CLDND1: variants seen among roughly 807,000 people sequenced by gnomAD.
CLDND1 encodes claudin domain-containing protein 1.
Under a neutral mutation model 26.3 loss-of-function variants are expected in CLDND1, and 13 were observed. The observed-to-expected ratio is 0.49, with a 90% CI of 0.32 to 0.78. CLDND1 has a LOEUF of 0.78. CLDND1 is among the 30% of genes least tolerant of loss of function. The probability of loss-of-function intolerance (pLI) is 0.03; values close to 1 mark genes in which losing one functional copy is unlikely to be tolerated. For synonymous variants in CLDND1, 107 were observed against 107.0 expected, an observed-to-expected ratio of 1.00 and a Z score of 0.00; for missense variants, 289 against 312.8, an observed-to-expected ratio of 0.92 and a Z score of 0.57.
intron 1 of CLDND1, 24 bp from the exon 2 acceptor site, chr3:98,521,466 G>A (rs1455899616): frequency 1.9e-6 from 3 of 1,595,634 alleles, no homozygotes; most frequent in South Asian, 2.2e-5. Context: ...GAAGAAAGAA[G>A]ATAAGTTAGA....
intron 1 of CLDND1, 188 bp downstream of exon 1, chr3:98,522,661 C>G: frequency 7.0e-7 from 1 of 1,423,146 alleles, no homozygotes; most frequent in Non-Finnish European, 9.1e-7. Context: ...CAGCCGTGCT[C>G]GGCCCCGGGC....
chr3:98,518,539 G>A (rs952071226), intron 3 of CLDND1, among the ~76,000 whole-genome samples: 12 of 152,072 alleles, frequency 7.9e-5, no homozygotes, highest in African/African-American at 2.7e-4. Context: ...ATACTTACCT[G>A]AACTCAAGCA....
At position 98,515,492 on chromosome 3, in the gene CLDND1, A is replaced by C. The variant is rs987545436; in HGVS notation, c.*1167T>G. The C allele has an allele frequency of 8.1e-6, 6 of 741,216 alleles. No homozygotes were observed. The highest frequency in any genetic ancestry group is 1.0e-5 in the Non-Finnish European group (6 of 572,114). 45.9% of individuals were successfully genotyped at this position (741,216 alleles called of 1,614,324 possible). The stretch of plus-strand genomic sequence containing the variant: ...TCTATATACAATTGAGTCTCTTTTC[A>C]TTTTTAATTTTATTTTTTAAAAAAG... On this transcript the variant is annotated 3_prime_UTR_variant, in exon 5 of 5. Coordinates refer to ENST00000341181, the MANE Select transcript of CLDND1 (RefSeq NM_001040181.2).
chr3:98,521,819 A>G (rs1345089743), intron 1 of CLDND1: 13 of 837,464 alleles, frequency 1.6e-5, no homozygotes, highest in Non-Finnish European at 2.4e-5. Flanking sequence ...TTTTTGCACG[A>G]GCTGCAGAGG....
intron 2 of CLDND1, among the ~76,000 whole-genome samples, chr3:98,520,068 T>C (rs1367331192): frequency 1.3e-5 from 2 of 152,236 alleles, no homozygotes; most frequent in Admixed American, 6.5e-5. Context: ...TACTGTTATA[T>C]TCTGTTCACT....
intron 2 of CLDND1, among the ~76,000 whole-genome samples, chr3:98,520,263 A>G (rs1706350943): frequency 6.6e-6 from 1 of 152,250 alleles, no homozygotes; most frequent in Non-Finnish European, 1.5e-5. Context: ...CTGTAACCTC[A>G]TAAGTCAAAC....
Position 98,516,135 on chromosome 3 carries a change from C to G in CLDND1, c.*524G>C. On this transcript the variant is annotated 3_prime_UTR_variant, in exon 5 of 5. Transcript: ENST00000341181. ...TCTCACCTCAGATGAAGCTATGTGT[C>G]AATGCTTAGGGAAAATGATCTTAGA... The G allele has an allele frequency of 9.5e-7, 1 of 1,057,686 alleles. No individual in the cohort carries two copies. The highest frequency in any genetic ancestry group is 1.1e-6 in the Non-Finnish European group (1 of 872,490). The allele number at this position is 1,057,686 out of a possible 1,614,324, so 65.5% of individuals were successfully genotyped here.
Position 98,515,573 on chromosome 3 carries a change from C to A in CLDND1, c.*1086G>T. 1 of 983,690 alleles carries A rather than the reference C, an allele frequency of 1.0e-6. No homozygotes were observed. The highest frequency in any genetic ancestry group is 1.3e-6 in the Non-Finnish European group (1 of 790,404). 60.9% of individuals were successfully genotyped at this position (983,690 alleles called of 1,614,324 possible). A position where few individuals can be genotyped will look rare whatever the true frequency, so the allele number is the denominator to read the frequency against. On this transcript the variant is annotated 3_prime_UTR_variant, in exon 5 of 5. Coordinates refer to ENST00000341181, the MANE Select transcript of CLDND1 (RefSeq NM_001040181.2). ...TTACATTTTTTTAATCTGTCAATTG[C>A]TACAGTAGTGGAATAAATAAATAAG...
rs1392448201 is a variant in CLDND1, at chr3:98,517,138, C to T, written c.455G>A (p.Cys152Tyr). The change falls in exon 4 of 5, where the codon TGC (cysteine) becomes TAC (tyrosine). Residue 152 changes from cysteine (C) to tyrosine (Y), a missense_variant. Cys to Tyr is a radical substitution (Grantham distance 194). Transcript: ENST00000341181. Reference sequence around the variant, plus strand: ...ACAAAGTCCGATCAAAGCCCCAAAGCACATCAAACCTAAACTCACAAAAGG... The same window carrying T: ...ACAAAGTCCGATCAAAGCCCCAAAGTACATCAAACCTAAACTCACAAAAGG... The part of the protein sequence containing the change: ...LLPFVSLGLM[C>Y]FGALIGLCAC... 3 of 1,614,140 alleles carry T rather than the reference C, an allele frequency of 1.9e-6. No individual in the cohort carries two copies. The highest frequency in any genetic ancestry group is 2.2e-5 in the East Asian group (1 of 44,886).
Position 98,516,531 on chromosome 3 carries a change from T to A in CLDND1, c.*128A>T. 2 of 1,422,608 alleles carry A rather than the reference T, an allele frequency of 1.4e-6. No individual in the cohort carries two copies. The highest frequency in any genetic ancestry group is 1.8e-6 in the Non-Finnish European group (2 of 1,084,234). The allele number at this position is 1,422,608 out of a possible 1,614,324, so 88.1% of individuals were successfully genotyped here. On this transcript the variant is annotated 3_prime_UTR_variant, in exon 5 of 5. Coordinates refer to ENST00000341181, the MANE Select transcript of CLDND1 (RefSeq NM_001040181.2). ...GTATTTAGTGGTGAATGTGTATAAA[T>A]AAAATAGATTTTCATAATAAAATGG...
intron 1 of CLDND1, chr3:98,522,626 G>A (rs907527264): frequency 3.6e-6 from 5 of 1,389,686 alleles, no homozygotes; most frequent in Admixed American, 3.4e-5. Flanking sequence ...CGGCGGGGCC[G>A]GAGAAGGCCA....
chr3:98,516,775 A>C lies in CLDND1; in HGVS notation c.646T>G (p.Phe216Val). Residue 216 changes from phenylalanine to valine, a missense_variant, in exon 5 of 5, where the codon TTC (phenylalanine) becomes GTC (valine). Coordinates refer to ENST00000341181, the MANE Select transcript of CLDND1 (RefSeq NM_001040181.2). ...DNVSGEFGWS[F>V]CLACVSAPLQ... ...GGAGCAGAGACACAAGCCAGGCAGA[A>C]GGACCATCCAAATTCACCGGATACA... The C allele has an allele frequency of 6.2e-7, 1 of 1,614,212 alleles. No individual in the cohort carries two copies. Among genetic ancestry groups the C allele is most frequent in the Non-Finnish European group, 8.5e-7 (1 of 1,180,024 alleles).
At chr3:98,521,761 C>T in intron 1 of CLDND1, 1 of 1,428,700 alleles carries the variant, frequency 7.0e-7, no homozygotes, top group Non-Finnish European at 9.9e-7. Flanking sequence ...AATAGACATG[C>T]CCATGGTCAG....
intron 3 of CLDND1, among the ~76,000 whole-genome samples, chr3:98,518,573 T>C (rs566061131): frequency 2.6e-5 from 4 of 152,314 alleles, no homozygotes; most frequent in South Asian, 2.1e-4. Flanking sequence ...AATTCAAATA[T>C]AGGAATGTAT....
chr3:98,516,208 A>G lies in CLDND1; in HGVS notation c.*451T>C, dbSNP rs1706130192. Reference sequence around the variant, plus strand: ...TTAAATCTTTGAAAACAGCACTAATACTGCTGGTTGACTGGCTATCTACAA... The same window carrying G: ...TTAAATCTTTGAAAACAGCACTAATGCTGCTGGTTGACTGGCTATCTACAA... On this transcript the variant is annotated 3_prime_UTR_variant, in exon 5 of 5. Coordinates refer to ENST00000341181, the MANE Select transcript of CLDND1 (RefSeq NM_001040181.2). 1 of 1,044,010 alleles carries G rather than the reference A, an allele frequency of 9.6e-7. No individual in the cohort carries two copies. Among genetic ancestry groups the G allele is most frequent in the Middle Eastern group, 4.7e-4 (1 of 2,112 alleles). The allele number at this position is 1,044,010 out of a possible 1,614,324, so 64.7% of individuals were successfully genotyped here.
chr3:98,518,201 T>G (rs1035556446), intron 3 of CLDND1, among the ~76,000 whole-genome samples: 7 of 152,298 alleles, frequency 4.6e-5, no homozygotes, highest in Non-Finnish European at 8.8e-5. Context: ...TTTTTCTAAC[T>G]TACTTTCTTT....
At chr3:98,521,594 T>G (rs950612986) in intron 1 of CLDND1, 152 bp from the exon 2 acceptor site, 2 of 1,539,138 alleles carry the variant, frequency 1.3e-6, no homozygotes, top group South Asian at 2.3e-5. Flanking sequence ...AAGCATGTTT[T>G]TAATTAAGCT....
At position 98,516,180 on chromosome 3, in the gene CLDND1, A is replaced by C; in HGVS notation, c.*479T>G. On this transcript the variant is annotated 3_prime_UTR_variant, in exon 5 of 5. Coordinates refer to ENST00000341181, the MANE Select transcript of CLDND1 (RefSeq NM_001040181.2). ...CTTAGATAATTTCCCAATTTTATAG[A>C]GCTTAAATCTTTGAAAACAGCACTA... 9.5e-7 allele frequency: 1 copy of C among 1,047,478 alleles called. No individual in the cohort carries two copies. Among genetic ancestry groups the C allele is most frequent in the Non-Finnish European group, 1.2e-6 (1 of 867,826 alleles). The allele number at this position is 1,047,478 out of a possible 1,614,324, so 64.9% of individuals were successfully genotyped here.
intron 3 of CLDND1, among the ~76,000 whole-genome samples, chr3:98,517,657 A>G (rs1458503687): frequency 6.6e-6 from 1 of 152,256 alleles, no homozygotes; most frequent in Non-Finnish European, 1.5e-5. Flanking sequence ...TAAAGTATAC[A>G]GGAGGATTGT....
Sources: allele counts gnomAD v4.1 joint callset (sites outside exome capture counted in the v4.1 genomes callset), GRCh38; gene constraint gnomAD v4.1.1; transcripts MANE v1.5; gene names NCBI Gene and HGNC (gene_info 2026-07-23, HGNC 2026-07-21).